The following TSHZ2 variants were observed in gnomAD, a reference collection of about 807,000 sequenced individuals.
TSHZ2 encodes teashirt zinc finger homeobox 2.
Under a neutral mutation model 74.4 loss-of-function variants are expected in TSHZ2, and 21 were observed. That is an observed-to-expected ratio of 0.28 (90% confidence interval 0.20 to 0.41). TSHZ2 has a LOEUF of 0.41. TSHZ2 is among the 10% of genes least tolerant of loss of function. The pLI is 1.00. For missense variants in TSHZ2, 1,244 were observed against 1,293.5 expected (o/e 0.96, Z 0.59); for synonymous variants, 540 against 515.3 (o/e 1.05, Z -0.65).
intron 1 of TSHZ2, among the ~76,000 whole-genome samples, chr20:53,111,891 G>C (rs1986543540): frequency 6.7e-6 from 1 of 150,178 alleles, no homozygotes; most frequent in South Asian, 2.2e-4. Flanking sequence ...ATCCTTGGGG[G>C]TCATCCCACC....
At chr20:53,103,312 A>G (rs2800995) in intron 1 of TSHZ2, among the ~76,000 whole-genome samples, 41,959 of 152,068 alleles carry the variant, frequency 0.28, 6,115 homozygotes, top group East Asian at 0.42. Context: ...TTATTTCTCA[A>G]ATGCTCAGCA....
At chr20:53,347,944 AG>A (rs1470202998) in intron 2 of TSHZ2, among the ~76,000 whole-genome samples, 1 of 152,186 alleles carries the variant, frequency 6.6e-6, no homozygotes, top group African/African-American at 2.4e-5. Context: ...GACCCCGAAA[AG>A]AAACTCCCAT....
chr20:53,055,475 A>G (rs528205434), intron 1 of TSHZ2, among the ~76,000 whole-genome samples: 2 of 152,306 alleles, frequency 1.3e-5, no homozygotes, highest in South Asian at 4.1e-4. Context: ...GTGGTGTGGG[A>G]TTTTATATTT....
intron 2 of TSHZ2, among the ~76,000 whole-genome samples, chr20:53,408,855 T>C (rs1293003262): frequency 6.6e-6 from 1 of 152,206 alleles, no homozygotes; most frequent in African/African-American, 2.4e-5. Flanking sequence ...AGTGGGGTGA[T>C]CTCACGATGG....
intron 1 of TSHZ2, among the ~76,000 whole-genome samples, chr20:53,053,847 C>G (rs1270699552): frequency 6.6e-6 from 1 of 152,196 alleles, no homozygotes; most frequent in Non-Finnish European, 1.5e-5. Context: ...ACTCCAGTAT[C>G]TGTGAAAGCC....
intron 2 of TSHZ2, among the ~76,000 whole-genome samples, chr20:53,468,198 T>G (rs1985618615): frequency 6.6e-6 from 1 of 152,138 alleles, no homozygotes; most frequent in African/African-American, 2.4e-5. Flanking sequence ...TCATTTTTAT[T>G]TAGATTGACA....
intron 1 of TSHZ2, among the ~76,000 whole-genome samples, chr20:53,084,686 C>T (rs866754976): frequency 9.3e-5 from 10 of 108,010 alleles, no homozygotes; most frequent in African/African-American, 3.0e-4. Flanking sequence ...TCCCTCCCTC[C>T]CTCCCTCTCT....
intron 2 of TSHZ2, among the ~76,000 whole-genome samples, chr20:53,273,113 G>A (rs1257993565): frequency 6.6e-6 from 1 of 152,244 alleles, no homozygotes; most frequent in East Asian, 1.9e-4. Flanking sequence ...GCATCCAGTG[G>A]TGGGACATGA....
intron 2 of TSHZ2, among the ~76,000 whole-genome samples, chr20:53,470,894 T>G (rs529180816): frequency 9.9e-5 from 15 of 152,188 alleles, no homozygotes; most frequent in Non-Finnish European, 1.6e-4. Flanking sequence ...AGCCCTAAAT[T>G]AGGAGTCATG....
chr20:53,096,017 C>G (rs935987218), intron 1 of TSHZ2, among the ~76,000 whole-genome samples: 1 of 152,114 alleles, frequency 6.6e-6, no homozygotes, highest in African/African-American at 2.4e-5. Context: ...TGTCAGAACC[C>G]CAAAGGGCCC....
At chr20:53,443,010 T>C (rs959820250) in intron 2 of TSHZ2, among the ~76,000 whole-genome samples, 2 of 152,210 alleles carry the variant, frequency 1.3e-5, no homozygotes, top group African/African-American at 2.4e-5. Flanking sequence ...CTCGTTTCTA[T>C]AGAGAACACT....
At chr20:53,162,902 C>G (rs1193606297) in intron 1 of TSHZ2, among the ~76,000 whole-genome samples, 1 of 152,162 alleles carries the variant, frequency 6.6e-6, no homozygotes, top group African/African-American at 2.4e-5. Context: ...AATATAACAT[C>G]TACTTACTTT....
At chr20:53,130,579 T>C (rs1381335234) in intron 1 of TSHZ2, among the ~76,000 whole-genome samples, 1 of 152,144 alleles carries the variant, frequency 6.6e-6, no homozygotes, top group Non-Finnish European at 1.5e-5. Context: ...TGAGCTGAGA[T>C]TGCTCCACTG....
intron 2 of TSHZ2, among the ~76,000 whole-genome samples, chr20:53,427,988 T>C (rs1045675160): frequency 9.9e-5 from 15 of 152,188 alleles, no homozygotes; most frequent in African/African-American, 3.6e-4. Context: ...CTTTAACTTA[T>C]CCAAATTATC....
rs368070496 is a variant in TSHZ2 at position 53,268,782 on chromosome 20, A to G, written c.*8+12211A>G. ...GGTTTTAACCCCGCATTGTCCACAAAGACCACTTAAATTATAGTAGATGCT... is the reference window on the plus strand; with the variant it reads ...GGTTTTAACCCCGCATTGTCCACAAGGACCACTTAAATTATAGTAGATGCT... On this transcript the variant is annotated intron_variant, in intron 2 of 2. Coordinates refer to ENST00000371497, the MANE Select transcript of TSHZ2 (RefSeq NM_173485.6). Among the ~76,000 whole-genome samples the G allele has an allele frequency of 5.9e-5, 9 of 152,324 alleles. No homozygotes were observed. The East Asian group carries it at 1.7e-3, about 29-fold the overall frequency.
chr20:53,331,721 C>A (rs1211282899), intron 2 of TSHZ2, among the ~76,000 whole-genome samples: 2 of 122,562 alleles, frequency 1.6e-5, no homozygotes, highest in African/African-American at 7.4e-5. Flanking sequence ...AGACAGATGG[C>A]AAACTCAGAT....
chr20:53,355,186 A>T (rs1313148063), intron 2 of TSHZ2, among the ~76,000 whole-genome samples: 1 of 152,254 alleles, frequency 6.6e-6, no homozygotes, highest in Non-Finnish European at 1.5e-5. Flanking sequence ...GCAAAAAGGA[A>T]AAGAAAAAAT....
chr20:53,345,649 A>T lies in TSHZ2; in HGVS notation c.*8+89078A>T, dbSNP rs551936370. Among the ~76,000 whole-genome samples, 40 of 152,182 alleles carry T rather than the reference A, an allele frequency of 2.6e-4. 1 individual carries two copies. The South Asian group carries it at 7.7e-3, about 29-fold the overall frequency. ...CCAAATTAGAGTTTGCCGAGTGCAC[A>T]TTTGTAAATCTGATCCCGCCTGCCC... On this transcript the variant is annotated intron_variant, in intron 2 of 2. Coordinates refer to ENST00000371497, the MANE Select transcript of TSHZ2 (RefSeq NM_173485.6).
rs990305860 is a variant in TSHZ2, at chr20:53,493,268, A to G, written c.*6133A>G. The G allele has an allele frequency of 6.6e-6, 1 of 152,250 alleles. No individual in the cohort carries two copies. The highest frequency in any genetic ancestry group is 1.5e-5 in the Non-Finnish European group (1 of 68,036). 9.4% of individuals were successfully genotyped at this position (152,250 alleles called of 1,614,324 possible). A position where few individuals can be genotyped will look rare whatever the true frequency, so the allele number is the denominator to read the frequency against. Reference sequence around the variant, plus strand: ...TCATTCTCTTTCAATAGCTTATGAAAGAATTAGATCTGAGTTTACAAAGAA... The same window carrying G: ...TCATTCTCTTTCAATAGCTTATGAAGGAATTAGATCTGAGTTTACAAAGAA... On this transcript the variant is annotated 3_prime_UTR_variant, in exon 3 of 3. Transcript: ENST00000371497.
Sources: allele counts gnomAD v4.1 joint callset (sites outside exome capture counted in the v4.1 genomes callset), GRCh38; gene constraint gnomAD v4.1.1; transcripts MANE v1.5; gene names NCBI Gene and HGNC (gene_info 2026-07-23, HGNC 2026-07-21).